ZFHX2: variants seen among roughly 807,000 people sequenced by gnomAD.
ZFHX2 encodes the protein zinc finger homeobox protein 2.
In ZFHX2, 75 loss-of-function variants were observed where a neutral mutation model predicts 164.8. The ratio of observed to expected loss-of-function variants is 0.46; its 90% CI spans 0.38 to 0.55. The LOEUF (loss-of-function observed/expected upper bound fraction) is 0.55. Ranked by LOEUF, ZFHX2 falls within the 20% of genes least tolerant of loss-of-function variation. The probability of loss-of-function intolerance (pLI) is 0.00; values close to 1 mark genes in which losing one functional copy is unlikely to be tolerated. For synonymous variants in ZFHX2, 1,217 were observed against 1,351.4 expected, an observed-to-expected ratio of 0.90 and a Z score of 2.18; for missense variants, 2,933 against 3,308.0, an observed-to-expected ratio of 0.89 and a Z score of 2.78.
In ZFHX2 at chr14:23,546,857, G is replaced by A. The variant is rs1881442918; in HGVS notation, c.-50+4486C>T. ...GGCTGACAGTGCAACAGCCACCACT[G>A]TCCTTCCTTCAGGCCCCCCGCCCAC... On this transcript the variant is annotated intron_variant, in intron 1 of 9. Transcript: ENST00000419474. The surrounding 1 kb of genome is among the most constrained non-coding windows in gnomAD (Gnocchi z 4.7). Among the ~76,000 whole-genome samples, 1 of 152,176 alleles carries A rather than the reference G, an allele frequency of 6.6e-6. No homozygotes were observed. Among genetic ancestry groups the A allele is most frequent in the African/African-American group, 2.4e-5 (1 of 41,436 alleles).
At position 23,522,928 on chromosome 14, in the gene ZFHX2, G is replaced by C; in HGVS notation, c.6753C>G (p.Ser2251=). The change falls in exon 10 of 10, where the codon TCC becomes TCG. Residue 2251 remains serine (S), a synonymous_variant. Transcript: ENST00000419474. The part of the protein sequence containing the change: ...LAPFNSGPAA[S]SGLLGLATSV... Reference sequence around the variant, plus strand: ...AAGTGGCGAGGCCGAGGAGGCCTGAGGAGGCTGCCGGGCCTAGAAAGGTGA... The same window carrying C: ...AAGTGGCGAGGCCGAGGAGGCCTGACGAGGCTGCCGGGCCTAGAAAGGTGA... The C allele has an allele frequency of 6.9e-7, 1 of 1,446,886 alleles. No homozygotes were observed. Among genetic ancestry groups the C allele is most frequent in the Non-Finnish European group, 9.0e-7 (1 of 1,105,072 alleles). The allele number at this position is 1,446,886 out of a possible 1,614,324, so 89.6% of individuals were successfully genotyped here. A position where few individuals can be genotyped will look rare whatever the true frequency, so the allele number is the denominator to read the frequency against.
chr14:23,524,486 A>C lies in ZFHX2; in HGVS notation c.5456T>G (p.Val1819Gly). ...LLVFGERNPLVAATSPMPGPP... is the reference protein window; with the variant it reads ...LLVFGERNPLGAATSPMPGPP... The stretch of plus-strand genomic sequence containing the variant: ...ACCTGGCATTGGTGAGGTGGCTGCC[A>C]CCAGGGGGTTTCTCTCCCCAAACAC... Residue 1819 changes from valine to glycine, a missense_variant, in exon 9 of 10, where the codon GTG becomes GGG. Coordinates refer to ENST00000419474, the MANE Select transcript of ZFHX2 (RefSeq NM_033400.3). This position sits in a 1 kb window ranked among gnomAD's most constrained non-coding sequence, Gnocchi z 5.6. The C allele has an allele frequency of 6.5e-7, 1 of 1,530,470 alleles. No individual in the cohort carries two copies. The highest frequency in any genetic ancestry group is 1.4e-5 in the African/African-American group (1 of 73,034). The allele number at this position is 1,530,470 out of a possible 1,614,324, so 94.8% of individuals were successfully genotyped here.
chr14:23,523,253 C>G lies in ZFHX2; in HGVS notation c.6689G>C (p.Gly2230Ala). 5 of 1,435,490 alleles carry G rather than the reference C, an allele frequency of 3.5e-6. No homozygotes were observed. Among genetic ancestry groups the G allele is most frequent in the Non-Finnish European group, 4.5e-6 (5 of 1,098,900 alleles). The allele number at this position is 1,435,490 out of a possible 1,614,324, so 88.9% of individuals were successfully genotyped here. The change falls in exon 9 of 10, where the codon GGC (glycine) becomes GCC (alanine). Residue 2230 changes from glycine to alanine, a missense_variant. By Grantham distance (60) the Gly-to-Ala change is moderately conservative (BLOSUM62 0). Coordinates refer to ENST00000419474, the MANE Select transcript of ZFHX2 (RefSeq NM_033400.3). The surrounding 1 kb of genome is among the most constrained non-coding windows in gnomAD (Gnocchi z 4.1). Reference sequence around the variant, plus strand: ...CAGCGGGGGCTGAGCCAGAGCTGGGCCAGATAAGAGGACCGGCGCCAGGCG... The same window carrying G: ...CAGCGGGGGCTGAGCCAGAGCTGGGGCAGATAAGAGGACCGGCGCCAGGCG... Reference protein sequence around the residue: ...LPRLAPVLLSGPALAQPPLGN... With the variant: ...LPRLAPVLLSAPALAQPPLGN...
chr14:23,552,661 G>A (rs945240945), upstream of ZFHX2, among the ~76,000 whole-genome samples: 4 of 151,968 alleles, frequency 2.6e-5, no homozygotes, highest in African/African-American at 9.7e-5. Context: ...CAGTGCAGTG[G>A]CATGATCCCG....
rs562002062 is a variant in ZFHX2 at position 23,524,292 on chromosome 14, G to A, written c.5650C>T (p.Arg1884Cys). The A allele has an allele frequency of 3.3e-6, 5 of 1,536,354 alleles. No homozygotes were observed. The highest frequency in any genetic ancestry group is 1.2e-5 in the South Asian group (1 of 84,066). Residue 1884 changes from arginine (R) to cysteine (C), a missense_variant, in exon 9 of 10, where the codon CGC becomes TGC. Physicochemically the swap from Arg to Cys is radical, Grantham distance 180. Coordinates refer to ENST00000419474, the MANE Select transcript of ZFHX2 (RefSeq NM_033400.3). The surrounding 1 kb of genome is among the most constrained non-coding windows in gnomAD (Gnocchi z 5.6). ...RWYMQDSNPTRKMLDCISEEV... is the reference protein window; with the variant it reads ...RWYMQDSNPTCKMLDCISEEV... The stretch of plus-strand genomic sequence containing the variant: ...TCGGAGATGCAGTCGAGCATCTTGC[G>A]TGTTGGGTTGGAATCCTGCATGTAC...
At chr14:23,537,241 T>TC (rs1491258082) in intron 1 of ZFHX2, among the ~76,000 whole-genome samples, 27 of 151,918 alleles carry the variant, frequency 1.8e-4, no homozygotes, top group African/African-American at 5.3e-4. Flanking sequence ...TTTTTTTTTT[T>TC]CTAAATCAGG....
Position 23,523,460 on chromosome 14 carries a change from C to A in ZFHX2, c.6482G>T (p.Cys2161Phe), listed in dbSNP as rs915319230. The A allele has an allele frequency of 2.6e-6, 4 of 1,536,016 alleles. No individual in the cohort carries two copies. Among genetic ancestry groups the A allele is most frequent in the Non-Finnish European group, 3.5e-6 (4 of 1,146,780 alleles). ...CTGACGGGAAAAGAGATGGCCTCGG[C>A]AGGAGACATAGAAATCATACTTGAC... ...CDVKYDFYVS[C>F]RGHLFSRQHL... Residue 2161 changes from cysteine to phenylalanine, a missense_variant, in exon 9 of 10, where the codon TGC becomes TTC. Physicochemically the swap from Cys to Phe is radical, Grantham distance 205. Transcript: ENST00000419474. The surrounding 1 kb of genome is among the most constrained non-coding windows in gnomAD (Gnocchi z 4.1).
At chr14:23,552,579 C>T (rs1882056135), upstream of ZFHX2, among the ~76,000 whole-genome samples, 2 of 151,912 alleles carry the variant, frequency 1.3e-5, no homozygotes, top group South Asian at 4.2e-4. Flanking sequence ...GTGTGAACCA[C>T]CACCGCGCCC....
chr14:23,525,757 A>G lies in ZFHX2; in HGVS notation c.4185T>C (p.Pro1395=). The G allele has an allele frequency of 1.3e-6, 2 of 1,506,774 alleles. No homozygotes were observed. Among genetic ancestry groups the G allele is most frequent in the South Asian group, 2.6e-5 (2 of 78,396 alleles). The allele number at this position is 1,506,774 out of a possible 1,614,324, so 93.3% of individuals were successfully genotyped here. ...CAGCCTTGGGAGGTTGGGGTGGAGG[A>G]GGAGGGGTGGCAGCTGGCAGGGACA... ...PVLSLPAATP[P]PPPQPPKAEL... Residue 1395 remains proline, a synonymous_variant, in exon 9 of 10, where the codon CCT becomes CCC. Transcript: ENST00000419474. The surrounding 1 kb of genome is among the most constrained non-coding windows in gnomAD (Gnocchi z 5.9).
chr14:23,554,478 G>A (rs1050731946), upstream of ZFHX2, among the ~76,000 whole-genome samples: 17 of 151,974 alleles, frequency 1.1e-4, no homozygotes, highest in Non-Finnish European at 2.2e-4. Flanking sequence ...CTGGGCTCAA[G>A]CTATCCCGCT....
chr14:23,531,405 C>T, intron 4 of ZFHX2, 76 bp downstream of exon 4: 1 of 1,334,294 alleles, frequency 7.5e-7, no homozygotes, highest in Non-Finnish European at 9.6e-7. Context: ...GTATCTCTAA[C>T]TCCGCAGCCC....
In ZFHX2 at chr14:23,531,714, A is replaced by G; in HGVS notation, c.2567T>C (p.Leu856Pro). ...CCCTGCCTCCGCTCCCTCCATGTCCAGCAGAAACTAGAACCATGGGAAGAG... is the reference window on the plus strand; with the variant it reads ...CCCTGCCTCCGCTCCCTCCATGTCCGGCAGAAACTAGAACCATGGGAAGAG... ...EENSQIYKFL[L>P]DMEGAEAGAE... Residue 856 changes from leucine to proline, a missense_variant, in exon 4 of 10, where the codon CTG (leucine) becomes CCG (proline). Leu to Pro is a moderately conservative substitution (Grantham distance 98). Coordinates refer to ENST00000419474, the MANE Select transcript of ZFHX2 (RefSeq NM_033400.3). 7.4e-7 allele frequency: 1 copy of G among 1,356,670 alleles called. No individual in the cohort carries two copies. Among genetic ancestry groups the G allele is most frequent in the Non-Finnish European group, 9.5e-7 (1 of 1,050,040 alleles). The allele number at this position is 1,356,670 out of a possible 1,614,324, so 84.0% of individuals were successfully genotyped here.
chr14:23,540,774 G>A (rs947460232), intron 1 of ZFHX2, among the ~76,000 whole-genome samples: 8 of 152,238 alleles, frequency 5.3e-5, no homozygotes, highest in African/African-American at 1.9e-4. Context: ...TAGGTAACGT[G>A]TAAAGTGCAT....
rs997905033 is a variant in ZFHX2 at position 23,532,916 on chromosome 14, T to G, written c.2210A>C (p.Tyr737Ser). Residue 737 changes from tyrosine to serine, a missense_variant, in exon 3 of 10, where the codon TAC becomes TCC. Transcript: ENST00000419474. Reference protein sequence around the residue: ...FSTDSLELLLYHCSIGRSLPE... With the variant: ...FSTDSLELLLSHCSIGRSLPE... ...GAGGCTCCGGCCTATGCTGCAGTGG[T>G]AGAGCAGCAGCTCCAGGCTGTCTGT... 254 of 1,536,012 alleles carry G rather than the reference T, an allele frequency of 1.7e-4. No homozygotes were observed. Among genetic ancestry groups the G allele is most frequent in the Non-Finnish European group, 2.1e-4 (239 of 1,146,900 alleles).
Position 23,532,684 on chromosome 14 carries a change from C to T in ZFHX2, c.2442G>A (p.Gly814=). ...AGCGCAGGTGTAGTGGGGAGACAGA[C>T]CCATAAGGAGCCCCATCTCCCAGGG... The part of the protein sequence containing the change: ...PASLGDGAPY[G]SVSPLHLRCN... The change falls in exon 3 of 10, where the codon GGG becomes GGA. Residue 814 remains glycine, a synonymous_variant. Coordinates refer to ENST00000419474, the MANE Select transcript of ZFHX2 (RefSeq NM_033400.3). 2.6e-6 allele frequency: 4 copies of T among 1,526,600 alleles called. No individual in the cohort carries two copies. The highest frequency in any genetic ancestry group is 2.6e-6 in the Non-Finnish European group (3 of 1,141,816). 94.6% of individuals were successfully genotyped at this position (1,526,600 alleles called of 1,614,324 possible).
intron 1 of ZFHX2, among the ~76,000 whole-genome samples, chr14:23,541,379 C>G (rs1880798757): frequency 6.6e-6 from 1 of 151,850 alleles, no homozygotes. Flanking sequence ...AACTCCACCC[C>G]TGGGTTCAAG....
At chr14:23,529,974 G>A (rs1196301020) in intron 5 of ZFHX2, 146 bp downstream of exon 5, 3 of 996,444 alleles carry the variant, frequency 3.0e-6, no homozygotes, top group African/African-American at 3.3e-5. Flanking sequence ...GCCTCTCGTG[G>A]CTCAGCCTCC....
intron 1 of ZFHX2, among the ~76,000 whole-genome samples, chr14:23,536,450 A>T (rs1880151049): frequency 6.6e-6 from 1 of 152,208 alleles, no homozygotes. Context: ...TGGTCACAGC[A>T]TGTGGAACAG....
intron 1 of ZFHX2, among the ~76,000 whole-genome samples, chr14:23,545,076 C>T (rs1881248641): frequency 6.6e-6 from 1 of 152,142 alleles, no homozygotes; most frequent in Non-Finnish European, 1.5e-5. Flanking sequence ...ATTGCCATTT[C>T]TCCATCCTCT....
Sources: allele counts gnomAD v4.1 joint callset (sites outside exome capture counted in the v4.1 genomes callset), GRCh38; gene constraint gnomAD v4.1.1; non-coding constraint Gnocchi (gnomAD v3.1); transcripts MANE v1.5; gene names NCBI Gene and HGNC (gene_info 2026-07-23, HGNC 2026-07-21).